The following OSBPL10 variants were observed in gnomAD, a reference collection of about 807,000 sequenced individuals.
The protein encoded by OSBPL10 is oxysterol-binding protein-related protein 10.
Under a neutral mutation model 81.7 loss-of-function variants are expected in OSBPL10, and 49 were observed. The ratio of observed to expected loss-of-function variants is 0.60; its 90% CI spans 0.48 to 0.76. OSBPL10 has a LOEUF of 0.76. OSBPL10 is among the 30% of genes least tolerant of loss of function. The pLI is 0.00. For missense variants in OSBPL10, 923 were observed against 987.8 expected, an observed-to-expected ratio of 0.93 and a Z score of 0.88; for synonymous variants, 419 against 383.6, an observed-to-expected ratio of 1.09 and a Z score of -1.08.
chr3:32,074,724 A>G, intron 1 of OSBPL10, among the ~76,000 whole-genome samples: 1 of 152,092 alleles, frequency 6.6e-6, no homozygotes. Context: ...CCCTCCCTCT[A>G]TGCAGTTGCA....
At chr3:31,810,166 T>C (rs1484970641) in intron 4 of OSBPL10, among the ~76,000 whole-genome samples, 1 of 151,992 alleles carries the variant, frequency 6.6e-6, no homozygotes, top group Non-Finnish European at 1.5e-5. Flanking sequence ...CCACCGCACC[T>C]CGCCCCCTCT....
At chr3:31,728,076 G>A (rs1696865138) in intron 6 of OSBPL10, among the ~76,000 whole-genome samples, 1 of 152,152 alleles carries the variant, frequency 6.6e-6, no homozygotes, top group Non-Finnish European at 1.5e-5. Context: ...AGGATGATTA[G>A]GACATGTTTA....
intron 1 of OSBPL10, among the ~76,000 whole-genome samples, chr3:31,916,520 T>C (rs868794070): frequency 6.6e-6 from 1 of 152,190 alleles, no homozygotes; most frequent in Non-Finnish European, 1.5e-5. Flanking sequence ...CCTTTTTTCA[T>C]GCACCAAACC....
chr3:31,927,705 G>A (rs1317974620), intron 1 of OSBPL10, among the ~76,000 whole-genome samples: 1 of 152,196 alleles, frequency 6.6e-6, no homozygotes, highest in Non-Finnish European at 1.5e-5. Context: ...GTTGCAATCA[G>A]TATATCTACC....
At chr3:31,860,790 C>T (rs904855834) in intron 3 of OSBPL10, among the ~76,000 whole-genome samples, 2 of 151,964 alleles carry the variant, frequency 1.3e-5, no homozygotes, top group Non-Finnish European at 2.9e-5. Context: ...ATTCTCCTGC[C>T]TCAGCCTCCT....
chr3:31,856,895 G>A (rs1700925437), intron 3 of OSBPL10, among the ~76,000 whole-genome samples: 1 of 152,174 alleles, frequency 6.6e-6, no homozygotes, highest in Admixed American at 6.5e-5. Flanking sequence ...GGCCAGCATG[G>A]TGAAACCCCG....
chr3:32,030,497 G>T (rs1699457782), intron 2 of OSBPL10: 2 of 710,540 alleles, frequency 2.8e-6, no homozygotes, highest in South Asian at 2.8e-5. Context: ...CACTCTAAGG[G>T]CTGAGATCGC....
intron 4 of OSBPL10, among the ~76,000 whole-genome samples, chr3:31,778,938 G>C (rs971508608): frequency 6.6e-6 from 1 of 151,986 alleles, no homozygotes; most frequent in Non-Finnish European, 1.5e-5. Flanking sequence ...AAATAATTCC[G>C]AGCCAAGAAT....
intron 1 of OSBPL10, among the ~76,000 whole-genome samples, chr3:31,937,894 G>A (rs1387346596): frequency 6.6e-6 from 1 of 152,104 alleles, no homozygotes; most frequent in Non-Finnish European, 1.5e-5. Context: ...TCCTCCCTGA[G>A]TCACCAAGTC....
At chr3:31,811,394 T>A (rs1425351619) in intron 4 of OSBPL10, among the ~76,000 whole-genome samples, 2 of 152,190 alleles carry the variant, frequency 1.3e-5, no homozygotes, top group Admixed American at 6.5e-5. Flanking sequence ...GTGCCCCATG[T>A]GCGGCGCAGG....
intron 8 of OSBPL10, among the ~76,000 whole-genome samples, chr3:31,678,802 G>C (rs1428650262): frequency 2.0e-5 from 3 of 150,610 alleles, no homozygotes; most frequent in Admixed American, 6.6e-5. Flanking sequence ...GTGTGTGTGT[G>C]TGTGTGTGTG....
At chr3:31,765,622 T>G (rs1698173080) in intron 4 of OSBPL10, among the ~76,000 whole-genome samples, 2 of 152,170 alleles carry the variant, frequency 1.3e-5, no homozygotes, top group African/African-American at 4.8e-5. Flanking sequence ...CACTATGAGA[T>G]GGATCCATTT....
At chr3:32,039,660 A>G (rs983950205) in intron 2 of OSBPL10, among the ~76,000 whole-genome samples, 1 of 151,942 alleles carries the variant, frequency 6.6e-6, no homozygotes, top group African/African-American at 2.4e-5. Context: ...CTCTGTCTCA[A>G]AAAAAAAGAA....
At chr3:32,006,600 T>G (rs1699207616) in intron 2 of OSBPL10, among the ~76,000 whole-genome samples, 1 of 152,222 alleles carries the variant, frequency 6.6e-6, no homozygotes, top group African/African-American at 2.4e-5. Flanking sequence ...TTCCATTGGA[T>G]CTTGGTTGAT....
In OSBPL10 at chr3:31,747,796, A is replaced by C. The variant is rs942065124; in HGVS notation, c.940+114T>G. 29 of 1,106,792 alleles carry C rather than the reference A, an allele frequency of 2.6e-5. No individual in the cohort carries two copies. In the African/African-American group the frequency reaches 4.2e-4, roughly 16 times the overall value. The allele number at this position is 1,106,792 out of a possible 1,614,324, so 68.6% of individuals were successfully genotyped here. A position where few individuals can be genotyped will look rare whatever the true frequency, so the allele number is the denominator to read the frequency against. On this transcript the variant is annotated intron_variant, in intron 5 of 11. Coordinates refer to ENST00000396556, the MANE Select transcript of OSBPL10 (RefSeq NM_017784.5). ...AGGGCAGTAGAAATACTTGGATATA[A>C]GGATAGATGGATGGATCGTAGAGAA...
At chr3:31,710,441 T>A (rs573718920) in intron 6 of OSBPL10, among the ~76,000 whole-genome samples, 1 of 152,162 alleles carries the variant, frequency 6.6e-6, no homozygotes, top group South Asian at 2.1e-4. Context: ...TCAAAGCTGA[T>A]TGACACCACC....
chr3:31,821,296 A>G (rs955890192), intron 4 of OSBPL10, among the ~76,000 whole-genome samples: 1 of 152,048 alleles, frequency 6.6e-6, no homozygotes, highest in African/African-American at 2.4e-5. Context: ...GTGTTCTCAA[A>G]GGATCCCATG....
intron 3 of OSBPL10, among the ~76,000 whole-genome samples, chr3:31,832,813 C>G (rs1044092963): frequency 6.6e-6 from 1 of 152,206 alleles, no homozygotes. Flanking sequence ...CACTACATAG[C>G]AACCCAACAG....
rs117589389 is a variant in OSBPL10 at position 31,695,145 on chromosome 3, C to T, written c.1245+7214G>A. ...CTCACCACCGGAGCACAGCTCAATC[C>T]ACTAGTTTTAGCCACAGTCTGCATC... On this transcript the variant is annotated intron_variant, in intron 7 of 11. Transcript: ENST00000396556. Among the ~76,000 whole-genome samples, 29 of 152,316 alleles carry T rather than the reference C, an allele frequency of 1.9e-4. No homozygotes were observed. The East Asian group carries it at 5.0e-3, about 26-fold the overall frequency.
Sources: gnomAD v4.1 joint callset for allele counts (sites outside exome capture counted in the v4.1 genomes callset) on GRCh38, gnomAD v4.1.1 for gene constraint, MANE v1.5 for transcripts, NCBI Gene and HGNC (gene_info 2026-07-23, HGNC 2026-07-21) for gene names.